MSRB3: variants seen among roughly 807,000 people sequenced by gnomAD.
The protein encoded by MSRB3 is methionine sulfoxide reductase B3, also known as methionine-R-sulfoxide reductase B3.
A neutral mutation model predicts 21.0 loss-of-function variants in MSRB3; 13 were observed. That is an observed-to-expected ratio of 0.62 (90% CI 0.40 to 0.98). The LOEUF (loss-of-function observed/expected upper bound fraction) is 0.98. MSRB3 is among the 50% of genes least tolerant of loss of function. The pLI is 0.00. For synonymous variants in MSRB3, 87 were observed against 88.6 expected, an observed-to-expected ratio of 0.98 and a Z score of 0.10; for missense variants, 199 against 230.3, an observed-to-expected ratio of 0.86 and a Z score of 0.88.
intron 3 of MSRB3, 40 bp from the exon 4 acceptor site, chr12:65,328,486 T>G (rs1457160811): frequency 2.2e-6 from 3 of 1,375,266 alleles, no homozygotes; most frequent in Non-Finnish European, 2.1e-6. Flanking sequence ...TAAGAAATAA[T>G]GCTAACTTTA....
At chr12:65,412,926 C>A (rs956778898) in intron 5 of MSRB3, among the ~76,000 whole-genome samples, 1 of 152,118 alleles carries the variant, frequency 6.6e-6, no homozygotes, top group East Asian at 1.9e-4. Context: ...CTTTATAAAA[C>A]CATCAGATCT....
intron 2 of MSRB3, among the ~76,000 whole-genome samples, chr12:65,320,604 A>G (rs1874601177): frequency 6.6e-6 from 1 of 152,190 alleles, no homozygotes; most frequent in Admixed American, 6.5e-5. Context: ...TAGTCTAAAA[A>G]GGATGACTTT....
chr12:65,438,855 T>A (rs925445999), intron 5 of MSRB3, among the ~76,000 whole-genome samples: 5 of 151,594 alleles, frequency 3.3e-5, no homozygotes, highest in African/African-American at 1.2e-4. Context: ...CCTGTAATAA[T>A]GGGCAAGAAT....
chr12:65,326,769 A>G, intron 2 of MSRB3, 57 bp from the exon 3 acceptor site: 8 of 1,390,616 alleles, frequency 5.8e-6, no homozygotes. Context: ...CAGCCAAAGC[A>G]ATTATTTAGG....
At chr12:65,453,594 C>CT (rs1882954493) in intron 5 of MSRB3, 134 bp from the exon 6 acceptor site, 3 of 746,404 alleles carry the variant, frequency 4.0e-6, no homozygotes, top group Non-Finnish European at 4.7e-6. Context: ...TTTGACCTTT[C>CT]TTTTTTCAGG....
intron 2 of MSRB3, among the ~76,000 whole-genome samples, chr12:65,322,399 C>T (rs929348077): frequency 4.7e-4 from 71 of 152,206 alleles, no homozygotes; most frequent in African/African-American, 1.6e-3. Context: ...TGGCTCACAC[C>T]TGTAATCCCA....
At position 65,278,815 on chromosome 12, in the gene MSRB3, CCCTCTG is replaced by C. The variant is rs766079069; in HGVS notation, c.-86_-81del. On this transcript the variant is annotated 5_prime_UTR_variant, in exon 1 of 7. Transcript: ENST00000308259. The stretch of plus-strand genomic sequence containing the variant: ...CCGCGCCCCCTCTCGCTCTGCCTCT[CCCTCTG>C]CCTCTGCCTCTGCCTGGCCGCGGCT... The C allele has an allele frequency of 1.7e-5, 26 of 1,570,758 alleles. No individual in the cohort carries two copies. In the South Asian group the frequency reaches 1.8e-4, roughly 11 times the overall value.
chr12:65,383,752 C>T (rs1287600834), intron 5 of MSRB3, among the ~76,000 whole-genome samples: 1 of 151,404 alleles, frequency 6.6e-6, no homozygotes, highest in Non-Finnish European at 1.5e-5. Context: ...CCTCCGCCTC[C>T]CTGGTTCAAG....
intron 5 of MSRB3, among the ~76,000 whole-genome samples, chr12:65,395,886 T>G (rs1395386583): frequency 6.6e-6 from 1 of 152,224 alleles, no homozygotes; most frequent in East Asian, 1.9e-4. Flanking sequence ...TAATTTCTCC[T>G]TCTCACTTTT....
At position 65,329,009 on chromosome 12, in the gene MSRB3, T is replaced by C. The variant is rs144866296; in HGVS notation, c.263+406T>C. ...TTCACATTGAATAAAATCCACCAAGTAGATTATACTTTTGCAATGAAGGGA... is the reference window on the plus strand; with the variant it reads ...TTCACATTGAATAAAATCCACCAAGCAGATTATACTTTTGCAATGAAGGGA... On this transcript the variant is annotated intron_variant, in intron 4 of 6. Transcript: ENST00000308259. Among the ~76,000 whole-genome samples, 688 of 152,334 alleles carry C rather than the reference T, an allele frequency of 4.5e-3. 6 individuals are homozygous for C. The highest frequency in any genetic ancestry group is 0.015 in the African/African-American group (633 of 41,556).
chr12:65,356,792 A>G (rs1877408671), intron 4 of MSRB3, among the ~76,000 whole-genome samples: 1 of 151,894 alleles, frequency 6.6e-6, no homozygotes, highest in Non-Finnish European at 1.5e-5. Context: ...ATAATAATAC[A>G]TGTTCTTGAA....
chr12:65,377,458 C>T (rs1878692081), intron 5 of MSRB3, among the ~76,000 whole-genome samples: 2 of 151,892 alleles, frequency 1.3e-5, no homozygotes, highest in East Asian at 1.9e-4. Flanking sequence ...TGCAACCATG[C>T]CTGGCTAATT....
Position 65,347,979 on chromosome 12 carries a change from C to T in MSRB3, c.263+19376C>T, listed in dbSNP as rs374293589. Reference sequence around the variant, plus strand: ...AAGCTTTTTGATGTGCTGCTGGATTCGATTTGCCAGTATTTTACTGAGGAT... The same window carrying T: ...AAGCTTTTTGATGTGCTGCTGGATTTGATTTGCCAGTATTTTACTGAGGAT... On this transcript the variant is annotated intron_variant, in intron 4 of 6. Transcript: ENST00000308259. 5.3e-5 allele frequency among the ~76,000 whole-genome samples: 8 copies of T among 152,194 alleles called. No homozygotes were observed. The East Asian group carries it at 9.7e-4, about 18-fold the overall frequency.
At chr12:65,355,550 G>A (rs773956903) in intron 4 of MSRB3, among the ~76,000 whole-genome samples, 2 of 151,812 alleles carry the variant, frequency 1.3e-5, no homozygotes, top group East Asian at 1.9e-4. Flanking sequence ...GTCTTGATTT[G>A]TTTTTCAGTG....
At chr12:65,396,801 T>C (rs1038793421) in intron 5 of MSRB3, among the ~76,000 whole-genome samples, 3 of 152,078 alleles carry the variant, frequency 2.0e-5, no homozygotes, top group African/African-American at 7.2e-5. Context: ...TCTATCTTGG[T>C]AAATATTTCA....
chr12:65,353,633 T>A (rs1412733329), intron 4 of MSRB3, among the ~76,000 whole-genome samples: 1 of 152,148 alleles, frequency 6.6e-6, no homozygotes, highest in Admixed American at 6.6e-5. Flanking sequence ...GCATGTGAGA[T>A]GGGTTTCCTG....
chr12:65,278,739 G>C lies in MSRB3; in HGVS notation c.-178G>C, dbSNP rs760566443. 3 of 1,566,248 alleles carry C rather than the reference G, an allele frequency of 1.9e-6. No individual in the cohort carries two copies. Among genetic ancestry groups the C allele is most frequent in the Non-Finnish European group, 1.7e-6 (2 of 1,157,250 alleles). ...GCCGGGGAGGGAGGGAGCGAGGTTC[G>C]GACACCGGCGGCGGCTGCCTGGCCT... On this transcript the variant is annotated 5_prime_UTR_variant, in exon 1 of 7. Transcript: ENST00000308259.
intron 5 of MSRB3, among the ~76,000 whole-genome samples, chr12:65,406,584 A>G (rs1422575457): frequency 6.6e-6 from 1 of 152,236 alleles, no homozygotes; most frequent in Non-Finnish European, 1.5e-5. Context: ...AATAGAAAAA[A>G]TAACCTTAAA....
intron 4 of MSRB3, among the ~76,000 whole-genome samples, chr12:65,356,514 C>T (rs1877393644): frequency 6.6e-6 from 1 of 151,828 alleles, no homozygotes; most frequent in African/African-American, 2.4e-5. Flanking sequence ...TATTTGGTTA[C>T]ATGAGTAAGT....
Sources: gnomAD v4.1 joint callset for allele counts (sites outside exome capture counted in the v4.1 genomes callset) on GRCh38, gnomAD v4.1.1 for gene constraint, MANE v1.5 for transcripts, NCBI Gene and HGNC (gene_info 2026-07-23, HGNC 2026-07-21) for gene names.